LIME1: variants seen among roughly 807,000 people sequenced by gnomAD.
LIME1 encodes the protein Lck interacting transmembrane adaptor 1.
Under a neutral mutation model 18.8 loss-of-function variants are expected in LIME1, and 23 were observed. That is an observed-to-expected ratio of 1.22 (90% confidence interval 0.88 to 1.73). LIME1 has a LOEUF of 1.73. Among genes scored for constraint, LIME1 ranks in the 40% most tolerant of loss-of-function variants. The pLI, the probability that LIME1 is intolerant of heterozygous loss-of-function variation, is 0.00. For missense variants in LIME1, 423 were observed against 396.8 expected, an observed-to-expected ratio of 1.07 and a Z score of -0.56; for synonymous variants, 177 against 182.3, an observed-to-expected ratio of 0.97 and a Z score of 0.23.
chr20:63,738,804 T>C lies in LIME1; in HGVS notation c.792T>C (p.Ala264=), dbSNP rs753987161. 15 of 1,612,616 alleles carry C rather than the reference T, an allele frequency of 9.3e-6. No individual in the cohort carries two copies. Among genetic ancestry groups the C allele is most frequent in the East Asian group, 2.2e-5 (1 of 44,840 alleles). ...GCATCCGGGAGCTGGGGGACCCTGC[T>C]GGCAGGAGCAGCACGTGCGGGGCTG... ...YESIRELGDP[A]GRSSTCGAGT... is the part of the protein sequence containing the mutation. Residue 264 remains alanine, a synonymous_variant, in exon 6 of 6, where the codon GCT becomes GCC. Transcript: ENST00000309546.
At position 63,738,791 on chromosome 20, in the gene LIME1, T is replaced by C; in HGVS notation, c.779T>C (p.Leu260Pro). The C allele has an allele frequency of 6.2e-7, 1 of 1,612,846 alleles. No homozygotes were observed. The highest frequency in any genetic ancestry group is 1.1e-5 in the South Asian group (1 of 91,080). ...AACGTGTATGAGAGCATCCGGGAGC[T>C]GGGGGACCCTGCTGGCAGGAGCAGC... ...LENVYESIRE[L>P]GDPAGRSSTC... is the part of the protein sequence containing the mutation. Residue 260 changes from leucine to proline, a missense_variant, in exon 6 of 6, where the codon CTG (leucine) becomes CCG (proline). Transcript: ENST00000309546.
At chr20:63,737,181 G>C in intron 1 of LIME1, 1 of 1,037,174 alleles carries the variant, frequency 9.6e-7, no homozygotes, top group Non-Finnish European at 1.2e-6. Flanking sequence ...GGTGGAGTCT[G>C]TGGCCTGTGG....
At position 63,738,494 on chromosome 20, in the gene LIME1, G is replaced by A. The variant is rs1204836766; in HGVS notation, c.580G>A (p.Ala194Thr). ...GGGGAAGACTGAGGTGACCCCGGCCGCTCAGGTAACGTGGGCCAGGGTAGG... is the reference window on the plus strand; with the variant it reads ...GGGGAAGACTGAGGTGACCCCGGCCACTCAGGTAACGTGGGCCAGGGTAGG... ...QQGKTEVTPA[A>T]QVDVLYSRVC... Residue 194 changes from alanine to threonine, a missense_variant, in exon 5 of 6, where the codon GCT (alanine) becomes ACT (threonine). By Grantham distance (58) the Ala-to-Thr change is moderately conservative. Transcript: ENST00000309546. The A allele has an allele frequency of 8.6e-6, 13 of 1,514,082 alleles. No individual in the cohort carries two copies. The highest frequency in any genetic ancestry group is 1.1e-5 in the Non-Finnish European group (13 of 1,131,474). The allele number at this position is 1,514,082 out of a possible 1,614,324, so 93.8% of individuals were successfully genotyped here.
rs749503657 is a variant in LIME1, at chr20:63,738,030, G to C, written c.238G>C (p.Glu80Gln). Residue 80 changes from glutamate (E) to glutamine (Q), a missense_variant, in exon 4 of 6, where the codon GAG becomes CAG. Glu to Gln is a conservative substitution (Grantham distance 29). Coordinates refer to ENST00000309546, the MANE Select transcript of LIME1 (RefSeq NM_017806.4). Reference sequence around the variant, plus strand: ...CAGCAAGTCGGACACCAGACTGCACGAGCTGCACCGGGGCCCGCGCAGCAG... The same window carrying C: ...CAGCAAGTCGGACACCAGACTGCACCAGCTGCACCGGGGCCCGCGCAGCAG... ...SLSKSDTRLH[E>Q]LHRGPRSSRA... The C allele has an allele frequency of 6.4e-7, 1 of 1,553,272 alleles. No individual in the cohort carries two copies. Among genetic ancestry groups the C allele is most frequent in the African/African-American group, 1.4e-5 (1 of 73,160 alleles).
Position 63,736,690 on chromosome 20 carries a change from G to A in LIME1, c.-40G>A. 3.0e-6 allele frequency: 3 copies of A among 985,656 alleles called. No individual in the cohort carries two copies. Among genetic ancestry groups the A allele is most frequent in the Non-Finnish European group, 3.6e-6 (3 of 830,126 alleles). The allele number at this position is 985,656 out of a possible 1,614,324, so 61.1% of individuals were successfully genotyped here. On this transcript the variant is annotated 5_prime_UTR_variant, in exon 1 of 6. Transcript: ENST00000309546. ...TTCCTGGCCTGCCCCAGACAGAGCT[G>A]AGGACCCCTGGCCGTGGGCTTGGTA...
chr20:63,736,332 CAG>C (rs200536734), upstream of LIME1: 1,645 of 190,438 alleles, frequency 8.6e-3, 32 homozygotes, highest in African/African-American at 0.037. Flanking sequence ...GGGTGGAGCT[CAG>C]TGCTGCTCCA....
upstream of LIME1, chr20:63,736,360 G>A (rs976586650): frequency 5.6e-4 from 104 of 186,602 alleles, no homozygotes; most frequent in Non-Finnish European, 1.0e-3. Context: ...CGAGACGGGC[G>A]GGAGAGGACT....
Position 63,737,917 on chromosome 20 carries a change from G to C in LIME1, c.180+15G>C. 6.3e-7 allele frequency: 1 copy of C among 1,580,146 alleles called. No homozygotes were observed. Among genetic ancestry groups the C allele is most frequent in the Non-Finnish European group, 8.6e-7 (1 of 1,164,808 alleles). On this transcript the variant is annotated intron_variant, in intron 3 of 5. Transcript: ENST00000309546. ...CGGCGGAAGCGGTGAGTGCCAGGCT[G>C]TCCCGGGGACCAGGGTGGGGTCCGC...
chr20:63,736,688 C>G lies in LIME1; in HGVS notation c.-42C>G. ...CCTTCCTGGCCTGCCCCAGACAGAG[C>G]TGAGGACCCCTGGCCGTGGGCTTGG... On this transcript the variant is annotated 5_prime_UTR_variant, in exon 1 of 6. Transcript: ENST00000309546. 1 of 985,662 alleles carries G rather than the reference C, an allele frequency of 1.0e-6. No homozygotes were observed. The highest frequency in any genetic ancestry group is 1.2e-6 in the Non-Finnish European group (1 of 830,122). The allele number at this position is 985,662 out of a possible 1,614,324, so 61.1% of individuals were successfully genotyped here. A position where few individuals can be genotyped will look rare whatever the true frequency, so the allele number is the denominator to read the frequency against.
Position 63,739,013 on chromosome 20 carries a change from C to A in LIME1, c.*113C>A. On this transcript the variant is annotated 3_prime_UTR_variant, in exon 6 of 6. Coordinates refer to ENST00000309546, the MANE Select transcript of LIME1 (RefSeq NM_017806.4). ...CCCCGGGCTGCCAGCCCGTGAGGTC[C>A]GTGAGGTCCTGGCCGCTCTGACAGC... 9.9e-7 allele frequency: 1 copy of A among 1,008,670 alleles called. No homozygotes were observed. Among genetic ancestry groups the A allele is most frequent in the Non-Finnish European group, 1.4e-6 (1 of 707,906 alleles). The allele number at this position is 1,008,670 out of a possible 1,614,324, so 62.5% of individuals were successfully genotyped here. A position where few individuals can be genotyped will look rare whatever the true frequency, so the allele number is the denominator to read the frequency against.
rs768393149 is a variant in LIME1, at chr20:63,738,823, G to T, written c.811G>T (p.Gly271Trp). ...CCCTGCTGGCAGGAGCAGCACGTGC[G>T]GGGCTGGGACGCCCCCTGCTTCCAG... is the stretch of plus-strand genomic sequence containing the variant. ...GDPAGRSSTC[G>W]AGTPPASSCP... The change falls in exon 6 of 6, where the codon GGG (glycine) becomes TGG (tryptophan). Residue 271 changes from glycine (G) to tryptophan (W), a missense_variant. Gly to Trp is a radical substitution (Grantham distance 184, BLOSUM62 -2). Coordinates refer to ENST00000309546, the MANE Select transcript of LIME1 (RefSeq NM_017806.4). 6.2e-7 allele frequency: 1 copy of T among 1,612,030 alleles called. No homozygotes were observed. The highest frequency in any genetic ancestry group is 1.7e-5 in the Admixed American group (1 of 59,938).
At position 63,739,019 on chromosome 20, in the gene LIME1, G is replaced by A. The variant is rs2092025975; in HGVS notation, c.*119G>A. Reference sequence around the variant, plus strand: ...GCTGCCAGCCCGTGAGGTCCGTGAGGTCCTGGCCGCTCTGACAGCCGCGGC... The same window carrying A: ...GCTGCCAGCCCGTGAGGTCCGTGAGATCCTGGCCGCTCTGACAGCCGCGGC... On this transcript the variant is annotated 3_prime_UTR_variant, in exon 6 of 6. Transcript: ENST00000309546. 2 of 926,340 alleles carry A rather than the reference G, an allele frequency of 2.2e-6. No homozygotes were observed. Among genetic ancestry groups the A allele is most frequent in the Non-Finnish European group, 3.1e-6 (2 of 641,868 alleles). 57.4% of individuals were successfully genotyped at this position (926,340 alleles called of 1,614,324 possible).
chr20:63,736,410 AC>A, upstream of LIME1: 1 of 186,606 alleles, frequency 5.4e-6, no homozygotes, highest in Non-Finnish European at 1.1e-5. Flanking sequence ...AGGCAGGCGG[AC>A]CTGGCCCTGT....
At chr20:63,738,089 G>A in intron 4 of LIME1, 29 bp downstream of exon 4, 5 of 1,525,926 alleles carry the variant, frequency 3.3e-6, no homozygotes, top group Non-Finnish European at 4.4e-6. Context: ...GGGGGCGGCC[G>A]GGCGGGGCTT....
Position 63,738,543 on chromosome 20 carries a change from T to A in LIME1, c.585+44T>A, listed in dbSNP as rs765153498. The A allele has an allele frequency of 6.0e-6, 9 of 1,509,790 alleles. No homozygotes were observed. The South Asian group carries it at 1.2e-4, about 20-fold the overall frequency. The allele number at this position is 1,509,790 out of a possible 1,614,324, so 93.5% of individuals were successfully genotyped here. On this transcript the variant is annotated intron_variant, in intron 5 of 5. Coordinates refer to ENST00000309546, the MANE Select transcript of LIME1 (RefSeq NM_017806.4). Reference sequence around the variant, plus strand: ...GGGCGCTGTGGGTGGGGCCGGCAGATCCTCAGCAGGTTGGATGGTGCTGAC... The same window carrying A: ...GGGCGCTGTGGGTGGGGCCGGCAGAACCTCAGCAGGTTGGATGGTGCTGAC...
chr20:63,738,244 C>T lies in LIME1; in HGVS notation c.330C>T (p.Ile110=). 9.4e-6 allele frequency: 15 copies of T among 1,590,504 alleles called. No homozygotes were observed. Among genetic ancestry groups the T allele is most frequent in the Non-Finnish European group, 1.2e-5 (14 of 1,173,640 alleles). Residue 110 remains isoleucine, a synonymous_variant, in exon 5 of 6, where the codon ATC becomes ATT. Transcript: ENST00000309546. ...RPHWLEVSRD[I]TGPQAAPSAF... ...ACTGGCTGGAGGTGTCCAGGGACATCACCGGACCGCAGGCAGCCCCCTCTG... is the reference window on the plus strand; with the variant it reads ...ACTGGCTGGAGGTGTCCAGGGACATTACCGGACCGCAGGCAGCCCCCTCTG...
At position 63,738,419 on chromosome 20, in the gene LIME1, C is replaced by T. The variant is rs1236672895; in HGVS notation, c.505C>T (p.Arg169Cys). The T allele has an allele frequency of 1.6e-5, 25 of 1,547,996 alleles. No homozygotes were observed. Among genetic ancestry groups the T allele is most frequent in the East Asian group, 2.3e-5 (1 of 43,050 alleles). The change falls in exon 5 of 6, where the codon CGC (arginine) becomes TGC (cysteine). Residue 169 changes from arginine (R) to cysteine (C), a missense_variant. Transcript: ENST00000309546. Reference protein sequence around the residue: ...AASPVVAEYARVQKRKGTHRS... With the variant: ...AASPVVAEYACVQKRKGTHRS... ...CAGCCCTGTGGTGGCCGAGTATGCCCGCGTCCAGAAGCGCAAAGGGACCCA... is the reference window on the plus strand; with the variant it reads ...CAGCCCTGTGGTGGCCGAGTATGCCTGCGTCCAGAAGCGCAAAGGGACCCA...
rs2236511 is a variant in LIME1, at chr20:63,737,808, C to A, written c.99-13C>A. 1.4e-6 allele frequency: 2 copies of A among 1,379,530 alleles called. No homozygotes were observed. The highest frequency in any genetic ancestry group is 1.9e-6 in the Non-Finnish European group (2 of 1,035,592). 85.5% of individuals were successfully genotyped at this position (1,379,530 alleles called of 1,614,324 possible). On this transcript the variant is annotated splice_polypyrimidine_tract_variant and intron_variant, in intron 2 of 5. Coordinates refer to ENST00000309546, the MANE Select transcript of LIME1 (RefSeq NM_017806.4). ...GACGACCCCGCCCCCCGCCCCCCAC[C>A]TCTACCCCCAAGGCCCGAGGACGCT... is the stretch of plus-strand genomic sequence containing the variant.
upstream of LIME1, chr20:63,736,040 G>C: frequency 7.1e-7 from 1 of 1,406,536 alleles, no homozygotes; most frequent in Non-Finnish European, 9.6e-7. Context: ...CTGCTGAGTG[G>C]AGACAGAGCT....
Sources: allele counts gnomAD v4.1 joint callset, GRCh38; gene constraint gnomAD v4.1.1; transcripts MANE v1.5; gene names NCBI Gene and HGNC (gene_info 2026-07-23, HGNC 2026-07-21).